Variants in TRAK2 observed in about 807,000 individuals in gnomAD.
TRAK2 encodes the protein trafficking kinesin-binding protein 2.
In TRAK2, 81 loss-of-function variants were observed where a neutral mutation model predicts 104.6. The observed-to-expected ratio is 0.77, with a 90% CI of 0.65 to 0.93. The LOEUF is 0.93. TRAK2 is among the 40% of genes least tolerant of loss of function. The probability of loss-of-function intolerance (pLI) is 0.00; values close to 1 mark genes in which losing one functional copy is unlikely to be tolerated. For missense variants in TRAK2, 1,002 were observed against 1,089.0 expected (o/e 0.92, Z 1.12); for synonymous variants, 406 against 394.4 (o/e 1.03, Z -0.35).
At position 201,412,454 on chromosome 2, in the gene TRAK2, A is replaced by C. The variant is rs527788528; in HGVS notation, c.92-4857T>G. The C allele has an allele frequency of 1.5e-4, 174 of 1,194,484 alleles. No homozygotes were observed. In the Middle Eastern group the frequency reaches 2.4e-3, roughly 17 times the overall value. The allele number at this position is 1,194,484 out of a possible 1,614,324, so 74.0% of individuals were successfully genotyped here. On this transcript the variant is annotated intron_variant, in intron 2 of 15. Transcript: ENST00000332624. ...TTTATAAGTGAACTAGATCCTAAATAACTCAACTGATCCAACTGCCTACTG... is the reference window on the plus strand; with the variant it reads ...TTTATAAGTGAACTAGATCCTAAATCACTCAACTGATCCAACTGCCTACTG...
intron 1 of TRAK2, among the ~76,000 whole-genome samples, chr2:201,444,843 T>C (rs1052081917): frequency 9.9e-5 from 15 of 151,914 alleles, no homozygotes; most frequent in Non-Finnish European, 1.8e-4. Flanking sequence ...CATAAATAAT[T>C]GGTGTTGAAA....
chr2:201,386,457 T>C lies in TRAK2; in HGVS notation c.1724A>G (p.Gln575Arg). Residue 575 changes from glutamine (Q) to arginine (R), a missense_variant, in exon 14 of 16, where the codon CAG becomes CGG. Gln to Arg is a conservative substitution (Grantham distance 43). Transcript: ENST00000332624. The stretch of plus-strand genomic sequence containing the variant: ...GGTTCCCAAGTTTGGTTGAGCAAGC[T>C]GCTGCCAGTGATACAGAGTTTGTGA... Reference protein sequence around the residue: ...EGSQTLYHWQQLAQPNLGTIL... With the variant: ...EGSQTLYHWQRLAQPNLGTIL... The C allele has an allele frequency of 6.2e-7, 1 of 1,614,190 alleles. No individual in the cohort carries two copies. The highest frequency in any genetic ancestry group is 8.5e-7 in the Non-Finnish European group (1 of 1,180,012).
At chr2:201,426,186 C>T (rs185436322) in intron 1 of TRAK2, among the ~76,000 whole-genome samples, 2 of 152,342 alleles carry the variant, frequency 1.3e-5, no homozygotes, top group East Asian at 3.9e-4. Context: ...CTCCCCATCA[C>T]TCGCATTACT....
intron 2 of TRAK2, among the ~76,000 whole-genome samples, chr2:201,408,817 G>A (rs912642206): frequency 3.3e-5 from 5 of 152,172 alleles, no homozygotes; most frequent in Non-Finnish European, 7.4e-5. Flanking sequence ...GAATTCTGTG[G>A]AGGATTCTTC....
At chr2:201,434,236 C>T (rs1054225175) in intron 1 of TRAK2, among the ~76,000 whole-genome samples, 3 of 152,104 alleles carry the variant, frequency 2.0e-5, no homozygotes, top group Admixed American at 2.0e-4. Context: ...GGATTACAGG[C>T]GTGAGCCACT....
chr2:201,421,728 G>C (rs1295937873), intron 1 of TRAK2, among the ~76,000 whole-genome samples: 1 of 152,110 alleles, frequency 6.6e-6, no homozygotes, highest in Admixed American at 6.5e-5. Flanking sequence ...TGTGGAGAAA[G>C]AAGCACTCTT....
At chr2:201,391,637 G>A (rs531254406) in intron 10 of TRAK2, among the ~76,000 whole-genome samples, 4 of 152,248 alleles carry the variant, frequency 2.6e-5, no homozygotes, top group African/African-American at 7.2e-5. Context: ...GTTAATTACC[G>A]TTAACTTTAC....
At chr2:201,431,063 G>C (rs1951838549) in intron 1 of TRAK2, among the ~76,000 whole-genome samples, 1 of 152,206 alleles carries the variant, frequency 6.6e-6, no homozygotes, top group Admixed American at 6.5e-5. Flanking sequence ...AGATACCTCT[G>C]AGTAATCTTC....
chr2:201,408,121 A>T (rs1229679009), intron 2 of TRAK2, among the ~76,000 whole-genome samples: 1 of 152,100 alleles, frequency 6.6e-6, no homozygotes, highest in Non-Finnish European at 1.5e-5. Flanking sequence ...GTATCTGTTA[A>T]CTAACATCTC....
intron 1 of TRAK2, among the ~76,000 whole-genome samples, chr2:201,423,227 C>A (rs889176743): frequency 2.6e-5 from 4 of 152,300 alleles, no homozygotes; most frequent in African/African-American, 9.6e-5. Flanking sequence ...GCATGAGCCA[C>A]TGCACCCAGC....
At chr2:201,418,336 C>T (rs1263958851) in intron 2 of TRAK2, among the ~76,000 whole-genome samples, 1 of 152,168 alleles carries the variant, frequency 6.6e-6, no homozygotes, top group Non-Finnish European at 1.5e-5. Context: ...CATGCCACCA[C>T]GCCCAGCTGT....
At chr2:201,393,573 A>C (rs928546782) in intron 9 of TRAK2, among the ~76,000 whole-genome samples, 10 of 152,170 alleles carry the variant, frequency 6.6e-5, no homozygotes, top group Non-Finnish European at 1.2e-4. Flanking sequence ...TTTTCAGAGT[A>C]TATTTTAACT....
At chr2:201,407,822 T>C (rs1281366129) in intron 2 of TRAK2, among the ~76,000 whole-genome samples, 1 of 152,120 alleles carries the variant, frequency 6.6e-6, no homozygotes, top group Non-Finnish European at 1.5e-5. Flanking sequence ...AATGATGGCA[T>C]ACATTTTTTG....
At chr2:201,424,932 G>C (rs915123459) in intron 1 of TRAK2, among the ~76,000 whole-genome samples, 11 of 152,118 alleles carry the variant, frequency 7.2e-5, no homozygotes, top group East Asian at 3.8e-4. Flanking sequence ...TACAACCTGT[G>C]AGTTAAGAAT....
chr2:201,413,832 C>A (rs969075663), intron 2 of TRAK2, among the ~76,000 whole-genome samples: 1 of 152,116 alleles, frequency 6.6e-6, no homozygotes, highest in Non-Finnish European at 1.5e-5. Flanking sequence ...CATCATGTCT[C>A]CAACATACAG....
chr2:201,386,471 C>T lies in TRAK2; in HGVS notation c.1710G>A (p.Leu570=), dbSNP rs766785622. 3 of 1,614,084 alleles carry T rather than the reference C, an allele frequency of 1.9e-6. No individual in the cohort carries two copies. Among genetic ancestry groups the T allele is most frequent in the South Asian group, 1.1e-5 (1 of 91,082 alleles). Residue 570 remains leucine, a synonymous_variant, in exon 14 of 16, where the codon CTG becomes CTA. Transcript: ENST00000332624. ...IVKPLEGSQT[L]YHWQQLAQPN... ...GTTGAGCAAGCTGCTGCCAGTGATA[C>T]AGAGTTTGTGATCCTGAATATGCAA...
Position 201,423,017 on chromosome 2 carries a change from TAAC to T in TRAK2, c.-199-2314_-199-2312del, listed in dbSNP as rs544620444. Among the ~76,000 whole-genome samples the T allele has an allele frequency of 2.5e-3, 367 of 146,906 alleles. 2 individuals are homozygous for T. Among genetic ancestry groups the T allele is most frequent in the African/African-American group, 8.8e-3 (338 of 38,456 alleles). Reference sequence around the variant, plus strand: ...AGGAGTTTGTAATTTTATGTTGGAATAACAACAGCAACACCACCACCACACACA... The same window carrying T: ...AGGAGTTTGTAATTTTATGTTGGAATAACAGCAACACCACCACCACACACA... On this transcript the variant is annotated intron_variant, in intron 1 of 15. Transcript: ENST00000332624.
intron 1 of TRAK2, among the ~76,000 whole-genome samples, chr2:201,432,121 C>T (rs927958687): frequency 2.0e-5 from 3 of 152,172 alleles, no homozygotes; most frequent in South Asian, 4.1e-4. Flanking sequence ...GCACAATCTA[C>T]GGCCTACTCT....
intron 1 of TRAK2, among the ~76,000 whole-genome samples, chr2:201,449,782 C>CT (rs1951997700): frequency 6.6e-6 from 1 of 152,040 alleles, no homozygotes; most frequent in African/African-American, 2.4e-5. Flanking sequence ...GTAGCTGGGA[C>CT]TACAGGCGCG....
Sources: gnomAD v4.1 joint callset for allele counts (sites outside exome capture counted in the v4.1 genomes callset) on GRCh38, gnomAD v4.1.1 for gene constraint, MANE v1.5 for transcripts, NCBI Gene and HGNC (gene_info 2026-07-23, HGNC 2026-07-21) for gene names.